Variants in SYNE2 observed in about 807,000 individuals in gnomAD.
The protein encoded by SYNE2 is nesprin-2.
SYNE2 carries 431 observed loss-of-function variants against 856.3 expected under a neutral mutation model. The observed-to-expected ratio is 0.50, with a 90% CI of 0.47 to 0.55. The LOEUF (loss-of-function observed/expected upper bound fraction) is 0.55, where lower values mean the gene tolerates loss of function less well. Among genes scored for constraint, SYNE2 ranks in the 20% least tolerant of loss-of-function variants. SYNE2 has a pLI of 0.00. For synonymous variants in SYNE2, 2,923 were observed against 2,872.3 expected (o/e 1.02, Z -0.56); for missense variants, 8,129 against 8,023.2 (o/e 1.01, Z -0.50).
chr14:63,930,212 G>A (rs1350848258), intron 2 of SYNE2, among the ~76,000 whole-genome samples: 5 of 151,626 alleles, frequency 3.3e-5, no homozygotes, highest in Non-Finnish European at 5.9e-5. Flanking sequence ...CTTGAGCCTC[G>A]GAGGTTGAGG....
intron 99 of SYNE2, among the ~76,000 whole-genome samples, chr14:64,193,142 G>A (rs896069059): frequency 2.6e-5 from 4 of 152,208 alleles, no homozygotes; most frequent in East Asian, 1.9e-4. Context: ...CCTGCTCTGC[G>A]GGATGCCCTG....
intron 99 of SYNE2, among the ~76,000 whole-genome samples, chr14:64,194,766 TAGAC>T (rs957537992): frequency 1.5e-4 from 23 of 152,328 alleles, no homozygotes; most frequent in African/African-American, 5.3e-4. Flanking sequence ...TGTTGGGTGA[TAGAC>T]AGAAAGATGC....
chr14:64,058,085 A>T (rs1595199291), intron 49 of SYNE2, among the ~76,000 whole-genome samples: 1 of 151,966 alleles, frequency 6.6e-6, no homozygotes, highest in South Asian at 2.1e-4. Flanking sequence ...CACTTTGTTG[A>T]TTATTTCCTT....
At chr14:63,829,398 C>G (rs1889583777) in intron 1 of SYNE2, among the ~76,000 whole-genome samples, 1 of 151,506 alleles carries the variant, frequency 6.6e-6, no homozygotes, top group African/African-American at 2.4e-5. Flanking sequence ...GCCTGGACAA[C>G]AGAGGAAGAT....
At position 63,791,954 on chromosome 14, in the gene SYNE2, AC is replaced by A. The variant is rs869084425; in HGVS notation, c.-305+29969del. 8.6e-5 allele frequency among the ~76,000 whole-genome samples: 13 copies of A among 151,142 alleles called. 2 individuals carry two copies. Among genetic ancestry groups the A allele is most frequent in the Non-Finnish European group, 7.4e-5 (5 of 67,680 alleles). On this transcript the variant is annotated intron_variant, in intron 1 of 23. Transcript: ENST00000674003. ...GCGAGACTCCGTCTCAAAAAAAAAA[AC>A]AAAAACAAAACTTAAAAATGAACAA...
chr14:63,939,959 G>T (rs1472194060), intron 2 of SYNE2, among the ~76,000 whole-genome samples: 1 of 151,978 alleles, frequency 6.6e-6, no homozygotes, highest in Non-Finnish European at 1.5e-5. Flanking sequence ...ATGTTCTGGG[G>T]TCATCTTTAC....
intron 1 of SYNE2, among the ~76,000 whole-genome samples, chr14:63,834,000 T>C (rs1478695944): frequency 2.0e-5 from 3 of 152,178 alleles, no homozygotes; most frequent in Non-Finnish European, 2.9e-5. Context: ...GAATGATAAA[T>C]GTACCAACAT....
At chr14:63,787,939 G>A (rs762352920) in intron 1 of SYNE2, among the ~76,000 whole-genome samples, 1 of 152,212 alleles carries the variant, frequency 6.6e-6, no homozygotes, top group Non-Finnish European at 1.5e-5. Context: ...CACCCAGGCT[G>A]TTCTCACCAA....
At chr14:64,072,493 T>G (rs1425068250) in intron 52 of SYNE2, among the ~76,000 whole-genome samples, 1 of 127,130 alleles carries the variant, frequency 7.9e-6, no homozygotes, top group East Asian at 2.4e-4. Context: ...GGTTGCTACC[T>G]ATACTTCTCC....
rs74873206 is a variant in SYNE2, at chr14:63,833,434, A to T, written c.-304-19067A>T. 5.7e-3 allele frequency among the ~76,000 whole-genome samples: 865 copies of T among 152,326 alleles called. 5 individuals are homozygous for T. The highest frequency in any genetic ancestry group is 0.019 in the African/African-American group (799 of 41,572). ...AGATTCTTAGCAGTGGATCAAAAAA[A>T]GAAAAAAACATACATATAAGTGAAG... On this transcript the variant is annotated intron_variant, in intron 1 of 23. Coordinates refer to the SYNE2 transcript ENST00000674003.
At position 64,022,041 on chromosome 14, in the gene SYNE2, T is replaced by C. The variant is rs191145443; in HGVS notation, c.5524+13T>C. 10 of 1,612,744 alleles carry C rather than the reference T, an allele frequency of 6.2e-6. No homozygotes were observed. In the East Asian group the frequency reaches 2.2e-4, roughly 36 times the overall value. ...AAGTTATTGAATGGTGAGTGCAACA[T>C]TTCTCTTATTTTGTTTCTGGGACTC... On this transcript the variant is annotated intron_variant, in intron 37 of 115. Coordinates refer to ENST00000555002, the MANE Select transcript of SYNE2 (RefSeq NM_182914.3).
chr14:64,027,938 C>T (rs956585218), intron 43 of SYNE2, 145 bp downstream of exon 43: 1 of 718,696 alleles, frequency 1.4e-6, no homozygotes, highest in African/African-American at 1.8e-5. Context: ...GACAGGGTCT[C>T]ACTCTTTGCC....
At chr14:63,893,689 A>G (rs2095188951) in intron 1 of SYNE2, among the ~76,000 whole-genome samples, 1 of 152,248 alleles carries the variant, frequency 6.6e-6, no homozygotes, top group Admixed American at 6.5e-5. Context: ...AATAAAGATA[A>G]AACAGCAAGC....
intron 57 of SYNE2, among the ~76,000 whole-genome samples, chr14:64,082,660 G>A (rs1381459052): frequency 6.6e-6 from 1 of 152,170 alleles, no homozygotes; most frequent in Non-Finnish European, 1.5e-5. Flanking sequence ...CTGCATCCTT[G>A]TGGCTCCCTG....
chr14:64,146,780 G>C (rs2098190861), intron 84 of SYNE2, among the ~76,000 whole-genome samples: 1 of 152,222 alleles, frequency 6.6e-6, no homozygotes, highest in African/African-American at 2.4e-5. Flanking sequence ...CACTGCCCTT[G>C]TGGCTGCTGC....
At chr14:63,978,733 G>C in intron 13 of SYNE2, 119 bp from the exon 14 acceptor site, 2 of 763,062 alleles carry the variant, frequency 2.6e-6, no homozygotes, top group South Asian at 1.7e-5. Context: ...TGATACATCT[G>C]AGTTCCATGT....
At chr14:63,815,628 ACACT>A (rs1190757599) in intron 1 of SYNE2, among the ~76,000 whole-genome samples, 1 of 152,096 alleles carries the variant, frequency 6.6e-6, no homozygotes, top group Non-Finnish European at 1.5e-5. Context: ...AATCAAGTTG[ACACT>A]CAGTATTAAC....
intron 49 of SYNE2, among the ~76,000 whole-genome samples, chr14:64,056,538 G>C (rs2097271031): frequency 6.6e-6 from 1 of 151,434 alleles, no homozygotes; most frequent in East Asian, 1.9e-4. Context: ...TATATGCATG[G>C]TATAAGTAAT....
At chr14:64,166,052 T>C (rs550783646) in intron 90 of SYNE2, among the ~76,000 whole-genome samples, 2 of 152,368 alleles carry the variant, frequency 1.3e-5, no homozygotes, top group South Asian at 4.1e-4. Flanking sequence ...TGCATTTTTC[T>C]TTACCTTCGT....
Sources: allele counts gnomAD v4.1 joint callset (sites outside exome capture counted in the v4.1 genomes callset), GRCh38; gene constraint gnomAD v4.1.1; transcripts MANE v1.5; gene names NCBI Gene and HGNC (gene_info 2026-07-23, HGNC 2026-07-21).